UGGT2: variants seen among roughly 807,000 people sequenced by gnomAD.
UGGT2 encodes the protein UDP-glucose:glycoprotein glucosyltransferase 2.
A neutral mutation model predicts 192.1 loss-of-function variants in UGGT2; 180 were observed. The ratio of observed to expected loss-of-function variants is 0.94; its 90% CI spans 0.83 to 1.06. The LOEUF (loss-of-function observed/expected upper bound fraction) is 1.06. UGGT2 is among the 50% of genes least tolerant of loss of function. The pLI is 0.00. For synonymous variants in UGGT2, 580 were observed against 591.0 expected (o/e 0.98, Z 0.27); for missense variants, 1,849 against 1,795.7 (o/e 1.03, Z -0.54).
At chr13:95,969,471 T>A (rs932737963) in intron 12 of UGGT2, among the ~76,000 whole-genome samples, 2 of 152,092 alleles carry the variant, frequency 1.3e-5, no homozygotes, top group Non-Finnish European at 2.9e-5. Flanking sequence ...TTAAGGAAAG[T>A]TTCTCTCAGA....
At chr13:95,809,530 T>A (rs994631888) in intron 38 of UGGT2, 2 of 350,088 alleles carry the variant, frequency 5.7e-6, no homozygotes, top group African/African-American at 4.4e-5. Context: ...AGGGGCAGGT[T>A]TAGCTGACAA....
chr13:95,807,716 C>CTTTTTTTTTT lies in UGGT2; in HGVS notation c.4529-5914_4529-5905dup. Among the ~76,000 whole-genome samples, 19 of 78,700 alleles carry CTTTTTTTTTT rather than the reference C, an allele frequency of 2.4e-4. 2 individuals are homozygous for CTTTTTTTTTT. The highest frequency in any genetic ancestry group is 3.8e-4 in the Non-Finnish European group (15 of 39,064). The allele number at this position is 78,700 out of a possible 152,430, so 51.6% of individuals were successfully genotyped here. On this transcript the variant is annotated intron_variant, in intron 38 of 38. Transcript: ENST00000376747. ...GTATCTTGAAACCCTCAGCCCTCAC[C>CTTTTTTTTTT]TTTTTTTTTTTTTTTTTTTGCCGTA...
At chr13:95,928,947 C>T (rs1004868185) in intron 17 of UGGT2, among the ~76,000 whole-genome samples, 1 of 152,170 alleles carries the variant, frequency 6.6e-6, no homozygotes, top group African/African-American at 2.4e-5. Context: ...AATCCCGGCA[C>T]CTCGGGAGGC....
chr13:95,820,563 A>G (rs547513269), intron 38 of UGGT2, among the ~76,000 whole-genome samples: 1 of 152,336 alleles, frequency 6.6e-6, no homozygotes, highest in Non-Finnish European at 1.5e-5. Context: ...ACCAGCACAT[A>G]TAAGAATAAT....
chr13:95,854,510 G>A (rs1349157760), intron 34 of UGGT2, 35 bp from the exon 35 acceptor site: 3 of 1,526,612 alleles, frequency 2.0e-6, no homozygotes, highest in Admixed American at 2.2e-5. Flanking sequence ...GATAAAGACT[G>A]TAAAATAACA....
At chr13:96,020,256 G>C (rs1374944925) in intron 4 of UGGT2, among the ~76,000 whole-genome samples, 1 of 152,160 alleles carries the variant, frequency 6.6e-6, no homozygotes, top group East Asian at 1.9e-4. Flanking sequence ...TTCAACAAGA[G>C]CTTAAGAACT....
chr13:95,871,903 C>T (rs1302136283), intron 29 of UGGT2, among the ~76,000 whole-genome samples: 1 of 152,138 alleles, frequency 6.6e-6, no homozygotes, highest in Non-Finnish European at 1.5e-5. Flanking sequence ...AGCAAAGTTA[C>T]GGTGGACCAA....
chr13:96,048,313 T>A (rs2139233547), intron 1 of UGGT2, among the ~76,000 whole-genome samples: 1 of 152,214 alleles, frequency 6.6e-6, no homozygotes, highest in East Asian at 1.9e-4. Context: ...CATACCAGAA[T>A]CTCTGGGACA....
At chr13:95,986,596 A>G (rs539292302) in intron 8 of UGGT2, among the ~76,000 whole-genome samples, 164 bp from the exon 9 acceptor site, 2 of 152,262 alleles carry the variant, frequency 1.3e-5, no homozygotes, top group African/African-American at 4.8e-5. Context: ...ATGTAAAGTT[A>G]TCACTTATTT....
chr13:95,945,566 T>A (rs1200980395), intron 15 of UGGT2, among the ~76,000 whole-genome samples: 2 of 152,076 alleles, frequency 1.3e-5, no homozygotes, highest in Non-Finnish European at 2.9e-5. Flanking sequence ...TAAAAAACAC[T>A]TACAAAACAG....
chr13:95,894,781 C>T, intron 23 of UGGT2, 124 bp from the exon 24 acceptor site: 1 of 707,214 alleles, frequency 1.4e-6, no homozygotes, highest in South Asian at 2.0e-5. Context: ...AAGTAGACTG[C>T]AAAGGGAGAC....
chr13:95,967,608 G>C (rs2050629490), intron 12 of UGGT2, among the ~76,000 whole-genome samples: 1 of 151,054 alleles, frequency 6.6e-6, no homozygotes, highest in African/African-American at 2.4e-5. Flanking sequence ...CAAGTAGCTG[G>C]GACTACAGAC....
At chr13:95,982,853 T>G (rs2051171555) in intron 10 of UGGT2, among the ~76,000 whole-genome samples, 1 of 152,198 alleles carries the variant, frequency 6.6e-6, no homozygotes, top group Non-Finnish European at 1.5e-5. Context: ...AGGCAAAGAA[T>G]GTCCCAGGTA....
intron 22 of UGGT2, among the ~76,000 whole-genome samples, chr13:95,896,299 GTGAC>G (rs1211906380): frequency 1.3e-5 from 2 of 151,926 alleles, no homozygotes; most frequent in Non-Finnish European, 2.9e-5. Context: ...CATATCAAAG[GTGAC>G]TAACTGGGAT....
intron 36 of UGGT2, among the ~76,000 whole-genome samples, chr13:95,850,070 CTGTT>C (rs1422537806): frequency 6.6e-6 from 1 of 151,778 alleles, no homozygotes; most frequent in Non-Finnish European, 1.5e-5. Context: ...TTGGTTTTAA[CTGTT>C]TTTTTCCCCT....
Position 95,802,813 on chromosome 13 carries a change from T to TTTTGTTTG in UGGT2, c.4529-1009_4529-1002dup, listed in dbSNP as rs146912861. On this transcript the variant is annotated intron_variant, in intron 38 of 38. Transcript: ENST00000376747. The stretch of plus-strand genomic sequence containing the variant: ...TGACAGCCTGGTATTAGCTATCCTT[T>TTTTGTTTG]TTTGTTTGTTTGTTTGTTTGTTTGT... Among the ~76,000 whole-genome samples the TTTTGTTTG allele has an allele frequency of 8.6e-3, 1,303 of 151,056 alleles. 13 individuals are homozygous for TTTTGTTTG. Among genetic ancestry groups the TTTTGTTTG allele is most frequent in the African/African-American group, 0.023 (930 of 41,002 alleles).
At chr13:95,855,501 T>TG (rs1360653888) in intron 34 of UGGT2, among the ~76,000 whole-genome samples, 1 of 150,788 alleles carries the variant, frequency 6.6e-6, no homozygotes, top group Non-Finnish European at 1.5e-5. Flanking sequence ...TTGGGTGTTT[T>TG]TTTTTTTTTT....
chr13:95,884,799 A>C, intron 26 of UGGT2, 119 bp from the exon 27 acceptor site: 1 of 973,038 alleles, frequency 1.0e-6, no homozygotes, highest in East Asian at 2.6e-5. Flanking sequence ...AAAAAGACTA[A>C]GATGCATTAT....
At chr13:95,966,148 G>A (rs1284418066) in intron 12 of UGGT2, among the ~76,000 whole-genome samples, 1 of 152,200 alleles carries the variant, frequency 6.6e-6, no homozygotes, top group African/African-American at 2.4e-5. Context: ...AACGTTAAGT[G>A]TCTATCAACA....
Sources: allele counts gnomAD v4.1 joint callset (sites outside exome capture counted in the v4.1 genomes callset), GRCh38; gene constraint gnomAD v4.1.1; transcripts MANE v1.5; gene names NCBI Gene and HGNC (gene_info 2026-07-23, HGNC 2026-07-21).